Variants in CDH18 observed in about 807,000 individuals in gnomAD.
CDH18 encodes cadherin 18.
In CDH18, 31 loss-of-function variants were observed where a neutral mutation model predicts 67.9. The ratio of observed to expected loss-of-function variants is 0.46; its 90% CI spans 0.34 to 0.62. CDH18 has a LOEUF of 0.62. Among genes scored for constraint, CDH18 ranks in the 20% least tolerant of loss-of-function variants. CDH18 has a pLI of 0.01. For missense variants in CDH18, 890 were observed against 975.5 expected (o/e 0.91, Z 1.17); for synonymous variants, 362 against 347.2 (o/e 1.04, Z -0.48).
At chr5:19,843,566 C>T (rs1019492890) in intron 2 of CDH18, among the ~76,000 whole-genome samples, 16 of 152,214 alleles carry the variant, frequency 1.1e-4, no homozygotes, top group African/African-American at 3.4e-4. Context: ...AATGTGAGGT[C>T]GGACCCCCGA....
chr5:20,503,584 G>C (rs1174290252), intron 1 of CDH18, among the ~76,000 whole-genome samples: 1 of 152,110 alleles, frequency 6.6e-6, no homozygotes, highest in Admixed American at 6.6e-5. Context: ...ATCTCCAGAG[G>C]TTCCCAAGAG....
At chr5:19,618,841 C>T (rs1293476701) in intron 5 of CDH18, among the ~76,000 whole-genome samples, 1 of 152,014 alleles carries the variant, frequency 6.6e-6, no homozygotes, top group Non-Finnish European at 1.5e-5. Context: ...TCTGCTTATG[C>T]AAATTAATAT....
intron 3 of CDH18, among the ~76,000 whole-genome samples, chr5:19,749,339 T>C (rs1770528529): frequency 2.6e-5 from 4 of 151,440 alleles, no homozygotes; most frequent in Admixed American, 2.0e-4. Flanking sequence ...ATATAAATTA[T>C]AAATCTATAT....
intron 6 of CDH18, among the ~76,000 whole-genome samples, chr5:19,596,938 C>G (rs955520348): frequency 6.6e-6 from 1 of 152,180 alleles, no homozygotes; most frequent in African/African-American, 2.4e-5. Flanking sequence ...ACCCATGCAT[C>G]CTGCTGATCA....
chr5:19,971,513 G>A (rs1474984864), intron 2 of CDH18, among the ~76,000 whole-genome samples: 1 of 152,022 alleles, frequency 6.6e-6, no homozygotes, highest in African/African-American at 2.4e-5. Context: ...AAGATCATTT[G>A]CGAAACTTGG....
chr5:19,672,950 G>T (rs1215502782), intron 5 of CDH18, among the ~76,000 whole-genome samples: 3 of 151,918 alleles, frequency 2.0e-5, no homozygotes, highest in Non-Finnish European at 4.4e-5. Context: ...GTTATTTTCA[G>T]AAATGACCTT....
chr5:19,999,084 A>G (rs1736235495), intron 2 of CDH18, among the ~76,000 whole-genome samples: 1 of 152,204 alleles, frequency 6.6e-6, no homozygotes, highest in Non-Finnish European at 1.5e-5. Flanking sequence ...TAACTATAAA[A>G]GATAATAAGG....
At chr5:20,372,462 C>T (rs950785899) in intron 1 of CDH18, among the ~76,000 whole-genome samples, 1 of 151,836 alleles carries the variant, frequency 6.6e-6, no homozygotes, top group African/African-American at 2.4e-5. Context: ...CACTGTATTT[C>T]TGCACTCATT....
chr5:20,167,435 G>A (rs1372948620), intron 2 of CDH18, among the ~76,000 whole-genome samples: 1 of 151,804 alleles, frequency 6.6e-6, no homozygotes, highest in African/African-American at 2.4e-5. Flanking sequence ...AATTTAGAGA[G>A]CTCTCAGTCC....
chr5:20,123,886 CAAAAA>C (rs11292634), intron 2 of CDH18, among the ~76,000 whole-genome samples: 4 of 87,236 alleles, frequency 4.6e-5, no homozygotes, highest in Admixed American at 1.3e-4. Flanking sequence ...GACTCCGTCT[CAAAAA>C]AAAAAAAAAA....
chr5:19,810,668 A>C (rs1017117099), intron 3 of CDH18, among the ~76,000 whole-genome samples: 2 of 152,082 alleles, frequency 1.3e-5, no homozygotes, highest in African/African-American at 4.8e-5. Context: ...AGGTGTAAAA[A>C]TCTTAATCAA....
intron 5 of CDH18, among the ~76,000 whole-genome samples, chr5:19,655,077 G>A (rs983325250): frequency 6.6e-6 from 1 of 152,248 alleles, no homozygotes; most frequent in African/African-American, 2.4e-5. Context: ...CGCACTTAGC[G>A]CTGCAGTTTT....
At chr5:19,589,739 T>G (rs1744779748) in intron 7 of CDH18, among the ~76,000 whole-genome samples, 1 of 152,104 alleles carries the variant, frequency 6.6e-6, no homozygotes, top group Admixed American at 6.6e-5. Flanking sequence ...TTGTGCCCAC[T>G]GACTGCATTC....
chr5:19,994,855 T>TATATATAGAGAGAGAG lies in CDH18; in HGVS notation c.-517-2842_-517-2841insCTCTCTCTCTATATAT, dbSNP rs760777430. On this transcript the variant is annotated intron_variant, in intron 2 of 14. Transcript: ENST00000507958. ...ATATATATATATATATATATATATA[T>TATATATAGAGAGAGAG]AGAGAGAGAGAGAGAGAGAGAGATG... Among the ~76,000 whole-genome samples the TATATATAGAGAGAGAG allele has an allele frequency of 3.8e-4, 26 of 67,584 alleles. 5 individuals carry two copies. The highest frequency in any genetic ancestry group is 1.5e-3 in the African/African-American group (21 of 13,598). 44.3% of individuals were successfully genotyped at this position (67,584 alleles called of 152,430 possible).
At chr5:20,470,082 T>C (rs1047653616) in intron 1 of CDH18, among the ~76,000 whole-genome samples, 1 of 152,178 alleles carries the variant, frequency 6.6e-6, no homozygotes, top group African/African-American at 2.4e-5. Flanking sequence ...TTCTTGCTTG[T>C]AGTTCACTGT....
At chr5:20,445,988 C>T (rs1180219680) in intron 1 of CDH18, among the ~76,000 whole-genome samples, 3 of 151,924 alleles carry the variant, frequency 2.0e-5, no homozygotes, top group Non-Finnish European at 2.9e-5. Flanking sequence ...TGGGCTGTGT[C>T]TGAACGAAAG....
intron 2 of CDH18, among the ~76,000 whole-genome samples, chr5:20,022,739 C>A (rs1028967953): frequency 7.7e-4 from 117 of 152,034 alleles, no homozygotes; most frequent in South Asian, 4.1e-4. Flanking sequence ...GGTAATTTAA[C>A]TTTTACATAT....
chr5:20,457,208 T>A (rs1372388076), intron 1 of CDH18, among the ~76,000 whole-genome samples: 1 of 152,172 alleles, frequency 6.6e-6, no homozygotes, highest in Non-Finnish European at 1.5e-5. Flanking sequence ...TATTAAAGAA[T>A]ACTTTAAAGT....
chr5:19,664,185 C>A (rs147783168), intron 5 of CDH18, among the ~76,000 whole-genome samples: 2 of 151,744 alleles, frequency 1.3e-5, no homozygotes, highest in Admixed American at 6.6e-5. Flanking sequence ...CTCATAGTAG[C>A]CCTTTCAACA....
Sources: allele counts gnomAD v4.1 joint callset (sites outside exome capture counted in the v4.1 genomes callset), GRCh38; gene constraint gnomAD v4.1.1; transcripts MANE v1.5; gene names NCBI Gene and HGNC (gene_info 2026-07-23, HGNC 2026-07-21).